The following KRCC1 variants were observed in gnomAD, a reference collection of about 807,000 sequenced individuals.
KRCC1 encodes lysine rich coiled-coil 1.
In KRCC1, 3 loss-of-function variants were observed where a neutral mutation model predicts 7.4. The observed-to-expected ratio is 0.40, with a 90% CI of 0.18 to 1.04. The LOEUF (loss-of-function observed/expected upper bound fraction) is 1.04, where lower values mean the gene tolerates loss of function less well. Among genes scored for constraint, KRCC1 ranks in the 50% least tolerant of loss-of-function variants. KRCC1 has a pLI of 0.33. For synonymous variants in KRCC1, 102 were observed against 101.6 expected (o/e 1.00, Z -0.02); for missense variants, 277 against 300.9 (o/e 0.92, Z 0.59).
At chr2:88,033,689 G>GA (rs1261491090) in intron 3 of KRCC1, among the ~76,000 whole-genome samples, 1 of 152,098 alleles carries the variant, frequency 6.6e-6, no homozygotes, top group Non-Finnish European at 1.5e-5. Context: ...GGGCTATAGT[G>GA]AAAAAAAGAT....
At chr2:88,038,374 T>C (rs1673137580) in intron 1 of KRCC1, among the ~76,000 whole-genome samples, 1 of 152,220 alleles carries the variant, frequency 6.6e-6, no homozygotes, top group Admixed American at 6.5e-5. Flanking sequence ...AAAGATTAGC[T>C]GTAGTAAATA....
chr2:88,031,891 C>G (rs1487396368), intron 3 of KRCC1, among the ~76,000 whole-genome samples: 1 of 151,466 alleles, frequency 6.6e-6, no homozygotes, highest in Non-Finnish European at 1.5e-5. Context: ...GCCTGTAATC[C>G]CAGCACTTTG....
chr2:88,050,003 A>G (rs1387794850), intron 1 of KRCC1, among the ~76,000 whole-genome samples: 1 of 152,154 alleles, frequency 6.6e-6, no homozygotes, highest in African/African-American at 2.4e-5. Flanking sequence ...ATTTTCTCCA[A>G]TTGCTCTTTA....
intron 1 of KRCC1, among the ~76,000 whole-genome samples, chr2:88,053,804 G>T (rs187299456): frequency 6.6e-6 from 1 of 152,258 alleles, no homozygotes; most frequent in East Asian, 1.9e-4. Context: ...CATGAAAAAG[G>T]ATAAAGAAGA....
At chr2:88,029,724 G>A (rs1046291823) in intron 3 of KRCC1, among the ~76,000 whole-genome samples, 8 of 151,256 alleles carry the variant, frequency 5.3e-5, no homozygotes, top group Non-Finnish European at 8.8e-5. Context: ...ATTCTTTTTT[G>A]GGGGGAAGGG....
intron 1 of KRCC1, among the ~76,000 whole-genome samples, chr2:88,042,112 G>C (rs1321906888): frequency 6.9e-6 from 1 of 144,126 alleles, no homozygotes; most frequent in Non-Finnish European, 1.5e-5. Context: ...CCAGACTGGA[G>C]TGCAGTGGCA....
intron 3 of KRCC1, among the ~76,000 whole-genome samples, chr2:88,030,873 T>C (rs972915574): frequency 2.6e-5 from 4 of 152,188 alleles, no homozygotes; most frequent in Non-Finnish European, 5.9e-5. Flanking sequence ...TATATGATGG[T>C]GGTCCCATAA....
At chr2:88,028,688 C>A (rs1199293047) in intron 3 of KRCC1, 103 bp from the exon 4 acceptor site, 1 of 683,704 alleles carries the variant, frequency 1.5e-6, no homozygotes, top group African/African-American at 2.0e-5. Context: ...CTCGCCCTGT[C>A]GCCCAGACTA....
At chr2:88,051,024 A>G (rs538110367) in intron 1 of KRCC1, among the ~76,000 whole-genome samples, 3 of 151,582 alleles carry the variant, frequency 2.0e-5, no homozygotes, top group Non-Finnish European at 2.9e-5. Context: ...CCTGGATTCA[A>G]GCAGTCCTCC....
At chr2:88,043,827 G>A (rs1036507306) in intron 1 of KRCC1, among the ~76,000 whole-genome samples, 1 of 152,118 alleles carries the variant, frequency 6.6e-6, no homozygotes, top group African/African-American at 2.4e-5. Context: ...GTGCCAGCAA[G>A]CCCAGCTAAT....
At chr2:88,035,991 G>A (rs940266698) in intron 2 of KRCC1, among the ~76,000 whole-genome samples, 2 of 152,116 alleles carry the variant, frequency 1.3e-5, no homozygotes, top group East Asian at 3.8e-4. Flanking sequence ...TGGAGTCAAG[G>A]CTTGAATCCA....
intron 3 of KRCC1, among the ~76,000 whole-genome samples, chr2:88,029,388 T>C (rs1329484866): frequency 1.3e-5 from 2 of 152,222 alleles, no homozygotes; most frequent in Non-Finnish European, 2.9e-5. Flanking sequence ...ACTGTAAGAC[T>C]TAACAATAAA....
chr2:88,034,925 G>A (rs1473145370), intron 2 of KRCC1, among the ~76,000 whole-genome samples: 1 of 151,970 alleles, frequency 6.6e-6, no homozygotes, highest in African/African-American at 2.4e-5. Context: ...TGCTTGTAAA[G>A]CCCTAACTTT....
At chr2:88,042,751 C>A (rs1196808115) in intron 1 of KRCC1, among the ~76,000 whole-genome samples, 1 of 152,124 alleles carries the variant, frequency 6.6e-6, no homozygotes, top group Non-Finnish European at 1.5e-5. Flanking sequence ...TGATCTTAAT[C>A]TTGGTATTTG....
At chr2:88,043,476 T>C (rs1673257921) in intron 1 of KRCC1, among the ~76,000 whole-genome samples, 1 of 152,230 alleles carries the variant, frequency 6.6e-6, no homozygotes, top group Middle Eastern at 3.2e-3. Context: ...CCTGCAACAT[T>C]CTTTTGATTT....
intron 3 of KRCC1, among the ~76,000 whole-genome samples, chr2:88,033,270 TC>T (rs1673029528): frequency 6.6e-6 from 1 of 152,196 alleles, no homozygotes; most frequent in Admixed American, 6.5e-5. Flanking sequence ...AGGCCTGTAA[TC>T]CCAGCACTTT....
At chr2:88,033,700 A>C (rs1329576899) in intron 3 of KRCC1, among the ~76,000 whole-genome samples, 1 of 152,228 alleles carries the variant, frequency 6.6e-6, no homozygotes, top group Non-Finnish European at 1.5e-5. Flanking sequence ...AAAAAAAGAT[A>C]CTAGTAAGTG....
chr2:88,027,718 A>C lies in KRCC1; in HGVS notation c.*66T>G. On this transcript the variant is annotated 3_prime_UTR_variant, in exon 4 of 4. Coordinates refer to ENST00000347055, the MANE Select transcript of KRCC1 (RefSeq NM_016618.3). ...CATAAGAAAAGTGGTATGAACACGG[A>C]TATCATAAAACCAAGCTCTCACCTA... 1 of 1,391,492 alleles carries C rather than the reference A, an allele frequency of 7.2e-7. No individual in the cohort carries two copies. Among genetic ancestry groups the C allele is most frequent in the Non-Finnish European group, 9.8e-7 (1 of 1,024,316 alleles). 86.2% of individuals were successfully genotyped at this position (1,391,492 alleles called of 1,614,324 possible).
intron 3 of KRCC1, among the ~76,000 whole-genome samples, chr2:88,032,480 G>C (rs1039749841): frequency 1.3e-5 from 2 of 152,144 alleles, no homozygotes; most frequent in African/African-American, 4.8e-5. Context: ...CATATAGCCT[G>C]GGTGTGTAGT....
Sources: gnomAD v4.1 joint callset for allele counts (sites outside exome capture counted in the v4.1 genomes callset) on GRCh38, gnomAD v4.1.1 for gene constraint, MANE v1.5 for transcripts, NCBI Gene and HGNC (gene_info 2026-07-23, HGNC 2026-07-21) for gene names.